ZFR2: variants seen among roughly 807,000 people sequenced by gnomAD.
ZFR2 encodes the protein zinc finger RNA binding protein 2, also known as zinc finger RNA-binding protein 2.
Under a neutral mutation model 105.7 loss-of-function variants are expected in ZFR2, and 104 were observed. The ratio of observed to expected loss-of-function variants is 0.98; its 90% CI spans 0.84 to 1.16. The LOEUF is 1.16. Among genes scored for constraint, ZFR2 ranks in the 50% most tolerant of loss-of-function variants. ZFR2 has a pLI of 0.00. For synonymous variants in ZFR2, 634 were observed against 597.7 expected (o/e 1.06, Z -0.89); for missense variants, 1,425 against 1,355.5 (o/e 1.05, Z -0.80).
intron 1 of ZFR2, among the ~76,000 whole-genome samples, chr19:3,851,190 G>A (rs867919008): frequency 3.9e-5 from 6 of 152,248 alleles, no homozygotes; most frequent in South Asian, 2.1e-4. Context: ...TTAAGGACAC[G>A]AGACACACAG....
chr19:3,839,494 G>T (rs188648172), intron 1 of ZFR2, among the ~76,000 whole-genome samples: 19 of 128,618 alleles, frequency 1.5e-4, no homozygotes, highest in African/African-American at 5.8e-5. Context: ...AGCCGAGACC[G>T]CTCCATTCCA....
rs749749715 is a variant in ZFR2, at chr19:3,834,947, C to T, written c.90G>A (p.Gly30=). 6.2e-7 allele frequency: 1 copy of T among 1,611,694 alleles called. No homozygotes were observed. ...QPPTLPLPTV[G]ASYTAQPTPG... is the part of the protein sequence containing the mutation. ...GAGTGGGTTGTGCAGTATAGCTGGC[C>T]CCCACAGTGGGCAGGGGAAGGGTCG... is the stretch of plus-strand genomic sequence containing the variant. The change falls in exon 2 of 19, where the codon GGG becomes GGA. Residue 30 remains glycine, a synonymous_variant. Coordinates refer to ENST00000262961, the MANE Select transcript of ZFR2 (RefSeq NM_015174.2). The surrounding 1 kb of genome is among the most constrained non-coding windows in gnomAD (Gnocchi z 5.3).
chr19:3,827,431 C>T lies in ZFR2; in HGVS notation c.1035+40G>A, dbSNP rs2037962698. ...TCCCAAGTGCTGACCTGGGGGCCTT[C>T]TCCCCAGGGTGGCAGAGCCTGGGCC... On this transcript the variant is annotated intron_variant, in intron 6 of 18. Transcript: ENST00000262961. 4 of 1,478,368 alleles carry T rather than the reference C, an allele frequency of 2.7e-6. No homozygotes were observed. In the East Asian group the frequency reaches 7.6e-5, roughly 28 times the overall value. The allele number at this position is 1,478,368 out of a possible 1,614,324, so 91.6% of individuals were successfully genotyped here. A position where few individuals can be genotyped will look rare whatever the true frequency, so the allele number is the denominator to read the frequency against.
Position 3,831,418 on chromosome 19 carries a change from G to A in ZFR2, c.737C>T (p.Pro246Leu). 1.9e-6 allele frequency: 3 copies of A among 1,554,930 alleles called. No individual in the cohort carries two copies. Among genetic ancestry groups the A allele is most frequent in the Non-Finnish European group, 2.6e-6 (3 of 1,151,118 alleles). The change falls in exon 5 of 19, where the codon CCC (proline) becomes CTC (leucine). Residue 246 changes from proline (P) to leucine (L), a missense_variant. By Grantham distance (98) the Pro-to-Leu change is moderately conservative. Transcript: ENST00000262961. The stretch of plus-strand genomic sequence containing the variant: ...AAGCGGTGGCTTCGAGTCGGCCCTG[G>A]GGCTGCTTCCTGAGCCTGCAGGCGC... ...PPAPAGSGSS[P>L]RADSKPPLPS...
intron 2 of ZFR2, among the ~76,000 whole-genome samples, 189 bp from the exon 3 acceptor site, chr19:3,833,967 G>A (rs1359093657): frequency 6.6e-6 from 1 of 152,180 alleles, no homozygotes; most frequent in Non-Finnish European, 1.5e-5. Flanking sequence ...GGGGGCAGGG[G>A]GCGTGGTTGA....
At chr19:3,855,704 G>A (rs1199412187) in intron 1 of ZFR2, 1 of 360,276 alleles carries the variant, frequency 2.8e-6, no homozygotes, top group South Asian at 1.5e-4. Flanking sequence ...GGCCTGGTGG[G>A]TGAGGAGGAG....
chr19:3,821,219 C>T (rs1250024584), intron 10 of ZFR2, 121 bp downstream of exon 10: 10 of 1,337,864 alleles, frequency 7.5e-6, no homozygotes, highest in Middle Eastern at 2.8e-4. Flanking sequence ...CACCCGTCTC[C>T]CCCCACTGCT....
intron 12 of ZFR2, 44 bp from the exon 13 acceptor site, chr19:3,816,889 G>A (rs1159878377): frequency 2.7e-6 from 4 of 1,507,482 alleles, no homozygotes; most frequent in African/African-American, 1.4e-5. Flanking sequence ...GCGGAGAGAC[G>A]CGGGGTACCC....
chr19:3,805,892 C>T lies in ZFR2; in HGVS notation c.*57G>A, dbSNP rs1406897186. 5.6e-6 allele frequency: 8 copies of T among 1,441,130 alleles called. No homozygotes were observed. Among genetic ancestry groups the T allele is most frequent in the East Asian group, 5.4e-5 (2 of 36,996 alleles). The allele number at this position is 1,441,130 out of a possible 1,614,324, so 89.3% of individuals were successfully genotyped here. A position where few individuals can be genotyped will look rare whatever the true frequency, so the allele number is the denominator to read the frequency against. The stretch of plus-strand genomic sequence containing the variant: ...GGGATGAAGCAGCCATTGGTCGGCG[C>T]GCACACGTCCAGGAGTGCAGGGATG... On this transcript the variant is annotated 3_prime_UTR_variant, in exon 19 of 19. Coordinates refer to ENST00000262961, the MANE Select transcript of ZFR2 (RefSeq NM_015174.2).
chr19:3,809,035 G>T, intron 16 of ZFR2, 52 bp from the exon 17 acceptor site: 1 of 1,415,530 alleles, frequency 7.1e-7, no homozygotes, highest in East Asian at 2.7e-5. Context: ...GGCAGCCCCT[G>T]CCTGCCCGGG....
chr19:3,840,769 C>T (rs915222569), intron 1 of ZFR2, among the ~76,000 whole-genome samples: 41 of 151,908 alleles, frequency 2.7e-4, no homozygotes, highest in African/African-American at 7.2e-4. Flanking sequence ...TGGCCTTATG[C>T]GATCCTCCTG....
At chr19:3,807,353 G>GGCCCCTGA in intron 17 of ZFR2, 84 bp from the exon 18 acceptor site, 2 of 972,426 alleles carry the variant, frequency 2.1e-6, no homozygotes, top group Non-Finnish European at 3.1e-6. Context: ...CGACACCGTG[G>GGCCCCTGA]GGCCTCAGGG....
At chr19:3,821,947 A>C in intron 9 of ZFR2, 134 bp downstream of exon 9, 1 of 1,354,226 alleles carries the variant, frequency 7.4e-7, no homozygotes, top group Non-Finnish European at 9.8e-7. Flanking sequence ...GACGTTGAAA[A>C]CCCAGAAAAT....
In ZFR2 at chr19:3,867,798, C is replaced by T. The variant is rs2038449464; in HGVS notation, c.53+1167G>A. On this transcript the variant is annotated intron_variant, in intron 1 of 18. Coordinates refer to ENST00000262961, the MANE Select transcript of ZFR2 (RefSeq NM_015174.2). ...TCAGTTCCCCACCAACCTCGGTTTC[C>T]GCCCCTCCCTGGGGTAACCTCCCAG... is the stretch of plus-strand genomic sequence containing the variant. 2.0e-5 allele frequency among the ~76,000 whole-genome samples: 3 copies of T among 152,128 alleles called. No homozygotes were observed. The South Asian group carries it at 6.2e-4, about 32-fold the overall frequency.
rs1269244887 is a variant in ZFR2, at chr19:3,822,134, G to A, written c.1438C>T (p.Leu480Phe). The A allele has an allele frequency of 6.2e-7, 1 of 1,610,476 alleles. No individual in the cohort carries two copies. The highest frequency in any genetic ancestry group is 1.3e-5 in the African/African-American group (1 of 74,842). ...CTCACGTGCAGGTCCTTCGCGTTAA[G>A]GTCGTTGAAACTGCACTCGCACAGC... ...CKLCECSFND[L>F]NAKDLHVRGR... Residue 480 changes from leucine to phenylalanine, a missense_variant, in exon 9 of 19, where the codon CTT (leucine) becomes TTT (phenylalanine). Physicochemically the swap from Leu to Phe is conservative, Grantham distance 22. Transcript: ENST00000262961.
chr19:3,817,504 A>T (rs1422645824), intron 12 of ZFR2, among the ~76,000 whole-genome samples: 1 of 151,070 alleles, frequency 6.6e-6, no homozygotes, highest in Non-Finnish European at 1.5e-5. Flanking sequence ...GGTTGCAGTG[A>T]GCCGAGATTG....
At chr19:3,866,650 G>A (rs75817393) in intron 1 of ZFR2, among the ~76,000 whole-genome samples, 4,068 of 152,200 alleles carry the variant, frequency 0.027, 180 homozygotes, top group African/African-American at 0.093. Flanking sequence ...GATTTTCCAC[G>A]TCTGATGGAA....
At chr19:3,859,066 T>G (rs1724222994) in intron 1 of ZFR2, among the ~76,000 whole-genome samples, 1 of 152,048 alleles carries the variant, frequency 6.6e-6, no homozygotes, top group African/African-American at 2.4e-5. Context: ...TTTGAGCCGG[T>G]GGACAGGGAG....
intron 18 of ZFR2, 56 bp from the exon 19 acceptor site, chr19:3,806,181 G>A: frequency 3.8e-5 from 53 of 1,391,976 alleles, no homozygotes; most frequent in Non-Finnish European, 4.7e-5. Context: ...CCCGAGTGCT[G>A]GGGACACAGA....
Sources: allele counts gnomAD v4.1 joint callset (sites outside exome capture counted in the v4.1 genomes callset), GRCh38; gene constraint gnomAD v4.1.1; non-coding constraint Gnocchi (gnomAD v3.1); transcripts MANE v1.5; gene names NCBI Gene and HGNC (gene_info 2026-07-23, HGNC 2026-07-21).